The following RNGTT variants were observed in gnomAD, a reference collection of about 807,000 sequenced individuals.
RNGTT encodes RNA guanylyltransferase and 5'-phosphatase, also known as mRNA-capping enzyme.
In RNGTT, 33 loss-of-function variants were observed where a neutral mutation model predicts 79.3. The observed-to-expected ratio is 0.42, with a 90% CI of 0.32 to 0.56. The LOEUF is 0.56. Among genes scored for constraint, RNGTT ranks in the 20% least tolerant of loss-of-function variants. The pLI is 0.17. For synonymous variants in RNGTT, 222 were observed against 235.9 expected, an observed-to-expected ratio of 0.94 and a Z score of 0.54; for missense variants, 497 against 739.1, an observed-to-expected ratio of 0.67 and a Z score of 3.80.
intron 14 of RNGTT, among the ~76,000 whole-genome samples, chr6:88,636,663 A>G (rs540795821): frequency 2.0e-5 from 3 of 151,630 alleles, no homozygotes; most frequent in Admixed American, 2.0e-4. Context: ...GATCCTGGAC[A>G]TGATTTAATG....
intron 14 of RNGTT, among the ~76,000 whole-genome samples, chr6:88,634,965 A>G (rs1773046627): frequency 6.6e-6 from 1 of 152,012 alleles, no homozygotes. Flanking sequence ...TGGGATACCG[A>G]ATTTTGGAGG....
intron 6 of RNGTT, among the ~76,000 whole-genome samples, chr6:88,900,840 T>A (rs1206350634): frequency 2.6e-4 from 38 of 144,106 alleles, no homozygotes; most frequent in African/African-American, 4.6e-4. Context: ...AAACAGTTTT[T>A]AAAAAAAAAA....
At chr6:88,830,761 CACCAATCCCACAGA>C (rs1486524902) in intron 11 of RNGTT, among the ~76,000 whole-genome samples, 1 of 151,972 alleles carries the variant, frequency 6.6e-6, no homozygotes, top group Non-Finnish European at 1.5e-5. Context: ...GAGATATCAC[CACCAATCCCACAGA>C]AATACAAACT....
chr6:88,742,198 A>G (rs947419932), intron 13 of RNGTT, among the ~76,000 whole-genome samples: 1 of 152,210 alleles, frequency 6.6e-6, no homozygotes, highest in African/African-American at 2.4e-5. Context: ...TTTAACATGT[A>G]TCGGATAAAG....
chr6:88,632,023 C>T lies in RNGTT; in HGVS notation c.1507-17628G>A, dbSNP rs536537811. 9.2e-5 allele frequency among the ~76,000 whole-genome samples: 14 copies of T among 152,184 alleles called. No homozygotes were observed. In the East Asian group the frequency reaches 2.7e-3, roughly 29 times the overall value. ...TCGCCCAAGCTAGAGTGGTGTGGGA[C>T]GCTCACAGCTCACTGCAGCCTCAAC... On this transcript the variant is annotated intron_variant, in intron 14 of 15. Coordinates refer to ENST00000369485, the MANE Select transcript of RNGTT (RefSeq NM_003800.5).
intron 13 of RNGTT, among the ~76,000 whole-genome samples, chr6:88,698,833 T>G (rs1775848324): frequency 6.6e-6 from 1 of 152,176 alleles, no homozygotes; most frequent in African/African-American, 2.4e-5. Context: ...ATGACTAAGT[T>G]CTATTCTAAG....
chr6:88,960,327 C>A (rs1785574774), intron 1 of RNGTT, among the ~76,000 whole-genome samples: 1 of 152,272 alleles, frequency 6.6e-6, no homozygotes, highest in Non-Finnish European at 1.5e-5. Context: ...CCTGGGACCA[C>A]AAGTATGTGC....
At chr6:88,644,699 T>C (rs1299247612) in intron 14 of RNGTT, among the ~76,000 whole-genome samples, 1 of 152,172 alleles carries the variant, frequency 6.6e-6, no homozygotes, top group Non-Finnish European at 1.5e-5. Flanking sequence ...TGGTTCAACA[T>C]ACGCTAATCA....
At chr6:88,797,147 T>C (rs1323049272) in intron 12 of RNGTT, among the ~76,000 whole-genome samples, 1 of 152,112 alleles carries the variant, frequency 6.6e-6, no homozygotes, top group Non-Finnish European at 1.5e-5. Context: ...TCTGCAAATA[T>C]TTAAGAACGT....
At chr6:88,799,451 C>A (rs1387074044) in intron 12 of RNGTT, among the ~76,000 whole-genome samples, 3 of 152,066 alleles carry the variant, frequency 2.0e-5, no homozygotes, top group African/African-American at 7.2e-5. Context: ...GTAATCCCAG[C>A]ACTTTGGGAG....
chr6:88,838,788 C>T (rs1017237335), intron 11 of RNGTT, among the ~76,000 whole-genome samples: 1 of 151,968 alleles, frequency 6.6e-6, no homozygotes, highest in Non-Finnish European at 1.5e-5. Flanking sequence ...AATGCAAAGG[C>T]CTAGAATAGC....
chr6:88,963,093 T>C (rs1037932208), intron 1 of RNGTT, among the ~76,000 whole-genome samples: 2 of 152,166 alleles, frequency 1.3e-5, no homozygotes, highest in South Asian at 2.1e-4. Context: ...CCTCACCTCC[T>C]GCCACCAACC....
intron 8 of RNGTT, among the ~76,000 whole-genome samples, chr6:88,855,588 A>T (rs1168993759): frequency 1.3e-5 from 2 of 152,278 alleles, no homozygotes; most frequent in East Asian, 3.9e-4. Flanking sequence ...AATAATGATA[A>T]TTAGTTCCAG....
intron 11 of RNGTT, among the ~76,000 whole-genome samples, chr6:88,836,464 A>G (rs1248858215): frequency 6.6e-6 from 1 of 152,144 alleles, no homozygotes; most frequent in Non-Finnish European, 1.5e-5. Context: ...GATATTTGCC[A>G]GCTGTGGTGG....
chr6:88,729,163 C>G (rs1777022732), intron 13 of RNGTT, among the ~76,000 whole-genome samples: 1 of 152,160 alleles, frequency 6.6e-6, no homozygotes, highest in Non-Finnish European at 1.5e-5. Context: ...CACTTTGTGT[C>G]TCTCACGACA....
intron 6 of RNGTT, among the ~76,000 whole-genome samples, chr6:88,894,369 A>G (rs1420514370): frequency 1.3e-5 from 2 of 152,208 alleles, no homozygotes; most frequent in Admixed American, 6.5e-5. Context: ...TCCACAATGG[A>G]TAAAAGAGAA....
chr6:88,638,312 T>A (rs1773177124), intron 14 of RNGTT, among the ~76,000 whole-genome samples: 1 of 152,172 alleles, frequency 6.6e-6, no homozygotes, highest in African/African-American at 2.4e-5. Context: ...TTAGACGTGA[T>A]TGTCATATGT....
intron 13 of RNGTT, among the ~76,000 whole-genome samples, chr6:88,738,633 G>A (rs929824916): frequency 1.3e-5 from 2 of 152,116 alleles, no homozygotes; most frequent in African/African-American, 4.8e-5. Flanking sequence ...GTGACAGAGT[G>A]AGACCCCGTC....
intron 2 of RNGTT, among the ~76,000 whole-genome samples, chr6:88,933,841 C>A (rs1562052189): frequency 6.6e-6 from 1 of 152,130 alleles, no homozygotes; most frequent in African/African-American, 2.4e-5. Context: ...TATTTCTGTT[C>A]CTTTGGATAA....
Sources: allele counts gnomAD v4.1 joint callset (sites outside exome capture counted in the v4.1 genomes callset), GRCh38; gene constraint gnomAD v4.1.1; transcripts MANE v1.5; gene names NCBI Gene and HGNC (gene_info 2026-07-23, HGNC 2026-07-21).